DMXL2: variants seen among roughly 807,000 people sequenced by gnomAD.
The protein encoded by DMXL2 is dmX-like protein 2.
A neutral mutation model predicts 331.1 loss-of-function variants in DMXL2; 103 were observed. That is an observed-to-expected ratio of 0.31 (90% CI 0.27 to 0.37). DMXL2 has a LOEUF of 0.37. Ranked by LOEUF, DMXL2 falls within the 10% of genes least tolerant of loss-of-function variation. DMXL2 has a pLI of 1.00. For missense variants in DMXL2, 3,171 were observed against 3,642.9 expected, an observed-to-expected ratio of 0.87 and a Z score of 3.33; for synonymous variants, 1,281 against 1,252.1, an observed-to-expected ratio of 1.02 and a Z score of -0.49.
intron 15 of DMXL2, among the ~76,000 whole-genome samples, chr15:51,510,367 T>C (rs1481318435): frequency 1.3e-5 from 2 of 152,156 alleles, no homozygotes; most frequent in South Asian, 2.1e-4. Flanking sequence ...AGTCTCAGGA[T>C]ACAAAATCAA....
intron 6 of DMXL2, among the ~76,000 whole-genome samples, chr15:51,553,964 T>C (rs1353796337): frequency 4.6e-5 from 7 of 152,164 alleles, no homozygotes; most frequent in African/African-American, 1.7e-4. Context: ...ATCACCTAAC[T>C]GCCATGTTGT....
At chr15:51,515,769 T>C (rs2047000950) in intron 14 of DMXL2, among the ~76,000 whole-genome samples, 1 of 152,172 alleles carries the variant, frequency 6.6e-6, no homozygotes, top group African/African-American at 2.4e-5. Flanking sequence ...GCAGACTGTG[T>C]TAATATCCCA....
intron 15 of DMXL2, among the ~76,000 whole-genome samples, chr15:51,508,535 AC>A (rs1201257158): frequency 6.6e-6 from 1 of 152,212 alleles, no homozygotes; most frequent in Non-Finnish European, 1.5e-5. Flanking sequence ...ACTGCAACTG[AC>A]TGAAATATCC....
intron 13 of DMXL2, among the ~76,000 whole-genome samples, chr15:51,532,172 A>G (rs1482402015): frequency 6.6e-6 from 1 of 152,174 alleles, no homozygotes; most frequent in African/African-American, 2.4e-5. Flanking sequence ...TGTGGTACTT[A>G]CATACGACAG....
intron 40 of DMXL2, among the ~76,000 whole-genome samples, chr15:51,454,939 CTG>C (rs1484739782): frequency 6.6e-6 from 1 of 152,066 alleles, no homozygotes; most frequent in Non-Finnish European, 1.5e-5. Context: ...AAAATATAAA[CTG>C]TACTTCAAGG....
chr15:51,537,011 T>C (rs2048325945), intron 11 of DMXL2, 149 bp from the exon 12 acceptor site: 4 of 688,084 alleles, frequency 5.8e-6, no homozygotes, highest in African/African-American at 5.4e-5. Flanking sequence ...TCTATTTAGG[T>C]AATACCATAT....
intron 1 of DMXL2, among the ~76,000 whole-genome samples, chr15:51,595,707 G>C (rs2052749473): frequency 6.6e-6 from 1 of 152,150 alleles, no homozygotes; most frequent in South Asian, 2.1e-4. Flanking sequence ...GTATGGTACT[G>C]GTACCAAAAC....
intron 33 of DMXL2, chr15:51,460,165 A>G (rs1176327566): frequency 1.0e-5 from 10 of 986,308 alleles, no homozygotes; most frequent in African/African-American, 1.7e-5. Context: ...GGAAAAAGAA[A>G]TAACTCAGTA....
intron 4 of DMXL2, 113 bp from the exon 5 acceptor site, chr15:51,564,373 T>C (rs2091506808): frequency 1.3e-6 from 1 of 773,118 alleles, no homozygotes; most frequent in African/African-American, 1.8e-5. Context: ...AAGTAAGCAA[T>C]ATCGCCAACG....
chr15:51,542,507 T>C lies in DMXL2; in HGVS notation c.931A>G (p.Thr311Ala), dbSNP rs1555432119. 6.2e-7 allele frequency: 1 copy of C among 1,605,166 alleles called. No homozygotes were observed. Among genetic ancestry groups the C allele is most frequent in the Non-Finnish European group, 8.5e-7 (1 of 1,174,298 alleles). ...CTTAAATTTTTCAAATGGTGTATTG[T>C]CTAAAATAGAAAAATAGTTGCTGAG... ...HKDRIQHALE[T>A]IHHLKNLRKG... The change falls in exon 9 of 44, where the codon ACA becomes GCA. Residue 311 changes from threonine (T) to alanine (A), a missense_variant and splice_region_variant. Coordinates refer to ENST00000560891, the MANE Select transcript of DMXL2 (RefSeq NM_001378457.1).
intron 1 of DMXL2, among the ~76,000 whole-genome samples, chr15:51,617,353 A>C (rs2054351852): frequency 6.6e-6 from 1 of 152,184 alleles, no homozygotes; most frequent in South Asian, 2.1e-4. Context: ...GTCGCAGGCA[A>C]CTATCATCTG....
intron 6 of DMXL2, among the ~76,000 whole-genome samples, chr15:51,554,480 C>G (rs957326175): frequency 6.6e-6 from 1 of 152,162 alleles, no homozygotes; most frequent in Non-Finnish European, 1.5e-5. Context: ...TATTATTTCT[C>G]AAACTGTTTT....
intron 1 of DMXL2, among the ~76,000 whole-genome samples, chr15:51,586,810 C>T (rs2051863284): frequency 6.6e-6 from 1 of 151,962 alleles, no homozygotes; most frequent in Non-Finnish European, 1.5e-5. Context: ...CTCTAATTAA[C>T]CATTATAAAA....
chr15:51,569,527 C>T (rs897579798), intron 2 of DMXL2, among the ~76,000 whole-genome samples: 5 of 152,220 alleles, frequency 3.3e-5, no homozygotes, highest in Admixed American at 1.3e-4. Flanking sequence ...CCCGTGTACC[C>T]AGACTGGAGA....
rs953185853 is a variant in DMXL2, at chr15:51,537,682, T to C, written c.1423A>G (p.Arg475Gly). The change falls in exon 11 of 44, where the codon AGA becomes GGA. Residue 475 changes from arginine to glycine, a missense_variant. Transcript: ENST00000560891. Reference sequence around the variant, plus strand: ...GGTACACTAAGTCGTGAGTAAGTTCTAGGACTTCCTTCTCTTTCTCCATCT... The same window carrying C: ...GGTACACTAAGTCGTGAGTAAGTTCCAGGACTTCCTTCTCTTTCTCCATCT... Reference protein sequence around the residue: ...HEDGEREGSPRTYSRLSVPMP... With the variant: ...HEDGEREGSPGTYSRLSVPMP... 1 of 1,613,780 alleles carries C rather than the reference T, an allele frequency of 6.2e-7. No individual in the cohort carries two copies. Among genetic ancestry groups the C allele is most frequent in the Non-Finnish European group, 8.5e-7 (1 of 1,179,878 alleles).
In DMXL2 at chr15:51,514,524, T is replaced by C; in HGVS notation, c.2562A>G (p.Gln854=). The C allele has an allele frequency of 1.3e-6, 2 of 1,594,636 alleles. No individual in the cohort carries two copies. Among genetic ancestry groups the C allele is most frequent in the Non-Finnish European group, 1.7e-6 (2 of 1,171,278 alleles). ...GSNTQLLHVF[Q]EDFIIGYKPH... ...GTTTATATCCTATAATGAAGTCTTC[T>C]TGAAACACATGAAGCAACTGTGTAT... Residue 854 remains glutamine, a synonymous_variant, in exon 15 of 44, where the codon CAA becomes CAG. Coordinates refer to ENST00000560891, the MANE Select transcript of DMXL2 (RefSeq NM_001378457.1).
chr15:51,482,845 G>A (rs958262843), intron 23 of DMXL2, among the ~76,000 whole-genome samples: 5 of 152,318 alleles, frequency 3.3e-5, no homozygotes, highest in Middle Eastern at 6.8e-3. Flanking sequence ...TTCATCCTCC[G>A]AAAAGAAAGG....
chr15:51,482,521 T>C (rs2042091210), intron 23 of DMXL2, among the ~76,000 whole-genome samples: 1 of 152,134 alleles, frequency 6.6e-6, no homozygotes, highest in South Asian at 2.1e-4. Flanking sequence ...TTCATTGCAA[T>C]AGTCTAGAAA....
At chr15:51,474,109 C>T (rs1441374426) in intron 28 of DMXL2, among the ~76,000 whole-genome samples, 2 of 148,956 alleles carry the variant, frequency 1.3e-5, no homozygotes, top group Non-Finnish European at 3.0e-5. Flanking sequence ...TATTTTTAAT[C>T]TTCTTCAAAC....
Sources: gnomAD v4.1 joint callset for allele counts (sites outside exome capture counted in the v4.1 genomes callset) on GRCh38, gnomAD v4.1.1 for gene constraint, MANE v1.5 for transcripts, NCBI Gene and HGNC (gene_info 2026-07-23, HGNC 2026-07-21) for gene names.